The following HIVEP3 variants were observed in gnomAD, a reference collection of about 807,000 sequenced individuals.
HIVEP3 encodes transcription factor HIVEP3.
A neutral mutation model predicts 152.8 loss-of-function variants in HIVEP3; 49 were observed. That is an observed-to-expected ratio of 0.32 (90% CI 0.26 to 0.41). HIVEP3 has a LOEUF of 0.41. Among genes scored for constraint, HIVEP3 ranks in the 10% least tolerant of loss-of-function variants. The pLI, the probability that HIVEP3 is intolerant of heterozygous loss-of-function variation, is 1.00. For missense variants in HIVEP3, 2,790 were observed against 3,103.3 expected (o/e 0.90, Z 2.40); for synonymous variants, 1,269 against 1,289.0 (o/e 0.98, Z 0.33).
At chr1:41,860,076 G>A (rs972698288) in intron 1 of HIVEP3, among the ~76,000 whole-genome samples, 1 of 152,178 alleles carries the variant, frequency 6.6e-6, no homozygotes, top group African/African-American at 2.4e-5. Context: ...TCAAAGAAAA[G>A]ATGGCTTGCG....
At chr1:41,803,541 C>A (rs1207367885) in intron 1 of HIVEP3, among the ~76,000 whole-genome samples, 25 of 152,184 alleles carry the variant, frequency 1.6e-4, no homozygotes, top group Non-Finnish European at 4.4e-5. Context: ...TTTCCTGTGG[C>A]CCCTCACCTG....
rs1404126948 is a variant in HIVEP3 at position 41,664,880 on chromosome 1, C to T, written c.-720-35933G>A. On this transcript the variant is annotated intron_variant, in intron 2 of 8. Transcript: ENST00000372583. This position sits in a 1 kb window ranked among gnomAD's most constrained non-coding sequence, Gnocchi z 4.4. ...ATCCCCATGCCAACCCCCCAAAACA[C>T]GGAGTCCTGAGCTGGCCCTAATGAG... Among the ~76,000 whole-genome samples the T allele has an allele frequency of 1.3e-5, 2 of 152,186 alleles. No homozygotes were observed. Among genetic ancestry groups the T allele is most frequent in the African/African-American group, 4.8e-5 (2 of 41,440 alleles).
At chr1:41,545,926 G>A (rs1450516016) in intron 5 of HIVEP3, among the ~76,000 whole-genome samples, 3 of 152,228 alleles carry the variant, frequency 2.0e-5, no homozygotes, top group African/African-American at 7.2e-5. Flanking sequence ...AAAGCTGACA[G>A]TTGGAAAATG....
intron 5 of HIVEP3, among the ~76,000 whole-genome samples, chr1:41,552,010 T>C (rs1643898812): frequency 6.6e-6 from 1 of 152,236 alleles, no homozygotes; most frequent in Non-Finnish European, 1.5e-5. Flanking sequence ...CTTTCTCTTG[T>C]AGGCATTTAG....
At chr1:41,633,175 C>T (rs868127324) in intron 2 of HIVEP3, among the ~76,000 whole-genome samples, 2 of 152,098 alleles carry the variant, frequency 1.3e-5, no homozygotes, top group African/African-American at 4.8e-5. Flanking sequence ...GATGGCAAAC[C>T]GAGCCCATTT....
At chr1:42,029,353 G>A (rs1645600145) in intron 1 of HIVEP3, among the ~76,000 whole-genome samples, 1 of 152,058 alleles carries the variant, frequency 6.6e-6, no homozygotes, top group South Asian at 2.1e-4. Context: ...AATCAAGTGG[G>A]TCTGGACAAA....
At chr1:41,809,026 T>C (rs1263602464) in intron 1 of HIVEP3, among the ~76,000 whole-genome samples, 1 of 152,260 alleles carries the variant, frequency 6.6e-6, no homozygotes, top group Non-Finnish European at 1.5e-5. Flanking sequence ...ATACAGCTGA[T>C]GCTTCAGAAT....
upstream of HIVEP3, among the ~76,000 whole-genome samples, chr1:41,922,305 G>A (rs1644945749): frequency 6.6e-6 from 1 of 152,176 alleles, no homozygotes; most frequent in Admixed American, 6.5e-5. Flanking sequence ...GTAACACTAT[G>A]CTAAAAGACA....
At chr1:41,852,404 C>T (rs546165787) in intron 1 of HIVEP3, among the ~76,000 whole-genome samples, 15 of 152,334 alleles carry the variant, frequency 9.8e-5, no homozygotes, top group East Asian at 1.9e-4. Flanking sequence ...AGAAACAAGC[C>T]GGAAGCCCTC....
chr1:41,518,581 A>G lies in HIVEP3; in HGVS notation c.5384-93T>C, dbSNP rs1033686082. On this transcript the variant is annotated intron_variant, in intron 6 of 8. Coordinates refer to ENST00000372583, the MANE Select transcript of HIVEP3 (RefSeq NM_024503.5). ...GGAGGTAGCACCTGGCCGGCAGGCC[A>G]TGGTTTCTCAGGCCAGTCAAGGCCC... is the stretch of plus-strand genomic sequence containing the variant. The G allele has an allele frequency of 4.1e-6, 5 of 1,220,728 alleles. No individual in the cohort carries two copies. The Admixed American group carries it at 5.2e-5, about 13-fold the overall frequency. The allele number at this position is 1,220,728 out of a possible 1,614,324, so 75.6% of individuals were successfully genotyped here. A position where few individuals can be genotyped will look rare whatever the true frequency, so the allele number is the denominator to read the frequency against.
Position 41,519,998 on chromosome 1 carries a change from A to T in HIVEP3, c.5384-1510T>A, listed in dbSNP as rs142993246. 2.6e-5 allele frequency among the ~76,000 whole-genome samples: 4 copies of T among 152,336 alleles called. No individual in the cohort carries two copies. In the East Asian group the frequency reaches 7.7e-4, roughly 29 times the overall value. On this transcript the variant is annotated intron_variant, in intron 6 of 8. Transcript: ENST00000372583. ...CTATTACATGCATGAGAGTACAGACAGAAGGATGAAAGAATGGGAAGTTGG... is the reference window on the plus strand; with the variant it reads ...CTATTACATGCATGAGAGTACAGACTGAAGGATGAAAGAATGGGAAGTTGG...
chr1:41,639,942 T>C (rs1645347169), intron 2 of HIVEP3, among the ~76,000 whole-genome samples: 2 of 152,130 alleles, frequency 1.3e-5, no homozygotes, highest in African/African-American at 4.8e-5. Flanking sequence ...CCAGAAATGT[T>C]TTCCAGGAAA....
At chr1:41,863,982 T>TC (rs1466419114) in intron 1 of HIVEP3, among the ~76,000 whole-genome samples, 1 of 152,054 alleles carries the variant, frequency 6.6e-6, no homozygotes, top group Non-Finnish European at 1.5e-5. Context: ...TGCAGAAAAT[T>TC]CCCCCTAAAT....
chr1:41,565,953 C>T (rs1644156474), intron 5 of HIVEP3, among the ~76,000 whole-genome samples: 1 of 152,128 alleles, frequency 6.6e-6, no homozygotes, highest in African/African-American at 2.4e-5. Flanking sequence ...TTCCACTTCG[C>T]TTTTCACATT....
intron 7 of HIVEP3, among the ~76,000 whole-genome samples, chr1:41,515,487 C>T (rs1410193496): frequency 6.6e-6 from 1 of 152,034 alleles, no homozygotes; most frequent in Non-Finnish European, 1.5e-5. Context: ...CAGGCATTTA[C>T]CTCCCTTGCC....
intron 1 of HIVEP3, among the ~76,000 whole-genome samples, chr1:41,941,624 G>C (rs1645046479): frequency 6.6e-6 from 1 of 152,138 alleles, no homozygotes; most frequent in Non-Finnish European, 1.5e-5. Context: ...TAATAACCTT[G>C]GGATTGTGAA....
chr1:41,801,693 G>A (rs1277006988), intron 1 of HIVEP3, among the ~76,000 whole-genome samples: 1 of 151,670 alleles, frequency 6.6e-6, no homozygotes, highest in Non-Finnish European at 1.5e-5. Flanking sequence ...GCAGTGAGCC[G>A]AGATCTCGCC....
At chr1:41,886,118 T>C (rs1220847197) in intron 1 of HIVEP3, among the ~76,000 whole-genome samples, 1 of 152,210 alleles carries the variant, frequency 6.6e-6, no homozygotes, top group African/African-American at 2.4e-5. Context: ...GCACTGTATC[T>C]TTCAACTCTG....
chr1:41,568,125 A>T (rs1215308802), intron 5 of HIVEP3, among the ~76,000 whole-genome samples: 1 of 152,228 alleles, frequency 6.6e-6, no homozygotes, highest in Non-Finnish European at 1.5e-5. Context: ...AACAAAACAT[A>T]GTTCCTGCCC....
Sources: gnomAD v4.1 joint callset for allele counts (sites outside exome capture counted in the v4.1 genomes callset) on GRCh38, gnomAD v4.1.1 for gene constraint, Gnocchi (gnomAD v3.1) non-coding constraint, MANE v1.5 for transcripts, NCBI Gene and HGNC (gene_info 2026-07-23, HGNC 2026-07-21) for gene names.